PHF20: variants seen among roughly 807,000 people sequenced by gnomAD.
PHF20 encodes PHD finger protein 20, also known as glioma-expressed antigen 2.
A neutral mutation model predicts 113.5 loss-of-function variants in PHF20; 23 were observed. The observed-to-expected ratio is 0.20, with a 90% CI of 0.15 to 0.29. The LOEUF (loss-of-function observed/expected upper bound fraction) is 0.29. PHF20 is among the 10% of genes least tolerant of loss of function. PHF20 has a pLI of 1.00. For missense variants in PHF20, 943 were observed against 1,219.6 expected, an observed-to-expected ratio of 0.77 and a Z score of 3.38; for synonymous variants, 434 against 457.3, an observed-to-expected ratio of 0.95 and a Z score of 0.65.
At chr20:35,778,331 C>CAAA (rs1344657783) in intron 1 of PHF20, among the ~76,000 whole-genome samples, 1 of 152,100 alleles carries the variant, frequency 6.6e-6, no homozygotes, top group Non-Finnish European at 1.5e-5. Flanking sequence ...TTCTTTAAAC[C>CAAA]AAAATGTATG....
intron 1 of PHF20, among the ~76,000 whole-genome samples, chr20:35,791,537 GTATA>G (rs59752864): frequency 0.016 from 2,029 of 127,184 alleles, 68 homozygotes; most frequent in African/African-American, 0.053. Flanking sequence ...TTAGAATAGT[GTATA>G]TATATATATA....
intron 2 of PHF20, among the ~76,000 whole-genome samples, chr20:35,840,083 T>C (rs6058331): frequency 3.3e-5 from 5 of 152,246 alleles, no homozygotes; most frequent in African/African-American, 1.2e-4. Context: ...AGCATGTGTT[T>C]ATTAGGACAG....
At chr20:35,835,060 AG>A (rs1372848648) in intron 2 of PHF20, among the ~76,000 whole-genome samples, 2 of 151,894 alleles carry the variant, frequency 1.3e-5, no homozygotes, top group African/African-American at 4.8e-5. Context: ...GCGGATCACG[AG>A]GTCAAGAGAT....
At chr20:35,854,551 G>T (rs2042795222) in intron 4 of PHF20, among the ~76,000 whole-genome samples, 1 of 152,166 alleles carries the variant, frequency 6.6e-6, no homozygotes, top group Admixed American at 6.5e-5. Flanking sequence ...CCTCTCTGTT[G>T]TCCATTATTC....
At chr20:35,825,288 G>C (rs1419265175) in intron 2 of PHF20, among the ~76,000 whole-genome samples, 1 of 152,072 alleles carries the variant, frequency 6.6e-6, no homozygotes, top group African/African-American at 2.4e-5. Flanking sequence ...CTCCTGGGTA[G>C]TTGGGACTGC....
At chr20:35,819,540 C>T (rs998638071) in intron 2 of PHF20, among the ~76,000 whole-genome samples, 2 of 152,094 alleles carry the variant, frequency 1.3e-5, no homozygotes, top group African/African-American at 4.8e-5. Flanking sequence ...ATTTAAAAAT[C>T]TGAGTTTCAT....
chr20:35,908,955 T>G (rs1302633070), intron 10 of PHF20, among the ~76,000 whole-genome samples: 1 of 152,204 alleles, frequency 6.6e-6, no homozygotes, highest in Non-Finnish European at 1.5e-5. Context: ...ATATTCTACA[T>G]AGACAGATCA....
chr20:35,940,311 C>G (rs1041762465), intron 16 of PHF20, among the ~76,000 whole-genome samples: 1 of 152,048 alleles, frequency 6.6e-6, no homozygotes, highest in African/African-American at 2.4e-5. Flanking sequence ...AGCAAAGCAA[C>G]CAGGGCTAAC....
intron 5 of PHF20, 28 bp from the exon 6 acceptor site, chr20:35,862,984 GT>G (rs2054244638): frequency 6.5e-7 from 1 of 1,531,482 alleles, no homozygotes; most frequent in Non-Finnish European, 8.7e-7. Flanking sequence ...TAATCACGAA[GT>G]GTTTCATCGC....
intron 17 of PHF20, among the ~76,000 whole-genome samples, chr20:35,945,178 T>C (rs569010780): frequency 1.3e-5 from 2 of 152,210 alleles, no homozygotes; most frequent in South Asian, 4.1e-4. Flanking sequence ...GAGCAATGGG[T>C]AGGGCGCTTT....
intron 1 of PHF20, among the ~76,000 whole-genome samples, chr20:35,773,907 G>C (rs2041117249): frequency 6.6e-6 from 1 of 152,168 alleles, no homozygotes; most frequent in African/African-American, 2.4e-5. Flanking sequence ...AAAACTCTCA[G>C]ATTTTTCCAG....
At chr20:35,910,263 T>C (rs577631723) in intron 10 of PHF20, among the ~76,000 whole-genome samples, 3 of 152,262 alleles carry the variant, frequency 2.0e-5, no homozygotes, top group East Asian at 3.9e-4. Flanking sequence ...GGGAAGGGCT[T>C]AGGGGAGGGG....
At chr20:35,797,826 ATT>A (rs2041697939) in intron 1 of PHF20, among the ~76,000 whole-genome samples, 1 of 151,346 alleles carries the variant, frequency 6.6e-6, no homozygotes, top group Non-Finnish European at 1.5e-5. Context: ...TAATTTTTGT[ATT>A]TTTAGTAGAG....
chr20:35,854,397 A>G (rs750049546), intron 4 of PHF20, among the ~76,000 whole-genome samples: 3 of 152,164 alleles, frequency 2.0e-5, no homozygotes, highest in Non-Finnish European at 4.4e-5. Context: ...GGATACACTT[A>G]TTTTGAGTTC....
intron 1 of PHF20, among the ~76,000 whole-genome samples, chr20:35,782,171 A>G (rs911976323): frequency 6.6e-6 from 1 of 151,658 alleles, no homozygotes; most frequent in Non-Finnish European, 1.5e-5. Context: ...TGAGTAGGAA[A>G]TTGGTCGTGC....
In PHF20 at chr20:35,899,627, C is replaced by T. The variant is rs1197546194; in HGVS notation, c.1540C>T (p.Arg514Trp). ...KPSQETLTRK[R>W]VSASSPTTKD... Reference sequence around the variant, plus strand: ...CAGCCAGGAGACCCTGACCAGGAAGCGGGTCTCTGCCAGTTCCCCAAGTAA... The same window carrying T: ...CAGCCAGGAGACCCTGACCAGGAAGTGGGTCTCTGCCAGTTCCCCAAGTAA... Residue 514 changes from arginine to tryptophan, a missense_variant, in exon 10 of 18, where the codon CGG (arginine) becomes TGG (tryptophan). Transcript: ENST00000374012. 8 of 1,613,912 alleles carry T rather than the reference C, an allele frequency of 5.0e-6. No individual in the cohort carries two copies. Among genetic ancestry groups the T allele is most frequent in the East Asian group, 2.2e-5 (1 of 44,896 alleles).
intron 10 of PHF20, 90 bp downstream of exon 10, chr20:35,899,738 G>A (rs2055060084): frequency 1.5e-6 from 2 of 1,373,870 alleles, no homozygotes; most frequent in Non-Finnish European, 1.0e-6. Flanking sequence ...CAGGCATTAG[G>A]TTTGTCTGTT....
At chr20:35,808,728 A>G (rs1292325181) in intron 2 of PHF20, among the ~76,000 whole-genome samples, 1 of 151,422 alleles carries the variant, frequency 6.6e-6, no homozygotes, top group African/African-American at 2.4e-5. Flanking sequence ...GCCCGCCACC[A>G]CGCCTGGCTA....
chr20:35,845,467 G>T, intron 3 of PHF20: 1 of 316,990 alleles, frequency 3.2e-6, no homozygotes, highest in Non-Finnish European at 6.8e-6. Context: ...TTGGGCTCAA[G>T]CAATCCTCCT....
Sources: gnomAD v4.1 joint callset for allele counts (sites outside exome capture counted in the v4.1 genomes callset) on GRCh38, gnomAD v4.1.1 for gene constraint, MANE v1.5 for transcripts, NCBI Gene and HGNC (gene_info 2026-07-23, HGNC 2026-07-21) for gene names.